Variants in PPP1R13B observed in about 807,000 individuals in gnomAD.
PPP1R13B encodes apoptosis-stimulating of p53 protein 1.
PPP1R13B carries 44 observed loss-of-function variants against 119.8 expected under a neutral mutation model. The observed-to-expected ratio is 0.37, with a 90% confidence interval of 0.29 to 0.47. The LOEUF is 0.47. Ranked by LOEUF, PPP1R13B falls within the 20% of genes least tolerant of loss-of-function variation. The pLI is 0.99. For synonymous variants in PPP1R13B, 542 were observed against 561.5 expected (o/e 0.97, Z 0.49); for missense variants, 1,227 against 1,413.5 (o/e 0.87, Z 2.12).
intron 1 of PPP1R13B, among the ~76,000 whole-genome samples, chr14:103,839,680 G>A (rs1198135499): frequency 1.3e-5 from 2 of 150,526 alleles, no homozygotes; most frequent in Non-Finnish European, 2.9e-5. Context: ...TAGCCTCTAA[G>A]GCCCTACAAG....
rs1595858480 is a variant in PPP1R13B at position 103,847,412 on chromosome 14, G to C, written c.-105C>G. ...CTCCTAAGGCCGCGCTCCCGCCGCC[G>C]TGCTCTCCGGCCCGGCCGCGGCGAG... On this transcript the variant is annotated 5_prime_UTR_variant, in exon 1 of 17. Coordinates refer to ENST00000202556, the MANE Select transcript of PPP1R13B (RefSeq NM_015316.3). The C allele has an allele frequency of 9.7e-7, 1 of 1,032,666 alleles. No individual in the cohort carries two copies. Among genetic ancestry groups the C allele is most frequent in the African/African-American group, 1.7e-5 (1 of 57,552 alleles). 64.0% of individuals were successfully genotyped at this position (1,032,666 alleles called of 1,614,324 possible). A position where few individuals can be genotyped will look rare whatever the true frequency, so the allele number is the denominator to read the frequency against.
chr14:103,787,575 T>G (rs1220694674), intron 2 of PPP1R13B, among the ~76,000 whole-genome samples: 1 of 151,176 alleles, frequency 6.6e-6, no homozygotes, highest in East Asian at 1.9e-4. Flanking sequence ...CCCAGCACTT[T>G]GGGAGGCAAG....
intron 1 of PPP1R13B, among the ~76,000 whole-genome samples, chr14:103,811,784 C>G (rs569178087): frequency 2.0e-5 from 3 of 151,772 alleles, no homozygotes; most frequent in Non-Finnish European, 4.4e-5. Context: ...AGGCCGGGCG[C>G]AGTGGCTCAC....
At chr14:103,751,640 G>A (rs1393211179) in intron 7 of PPP1R13B, among the ~76,000 whole-genome samples, 1 of 152,116 alleles carries the variant, frequency 6.6e-6, no homozygotes, top group Non-Finnish European at 1.5e-5. Flanking sequence ...TCATGAGGGT[G>A]GGGCCCCCCA....
Position 103,733,215 on chromosome 14 carries a change from C to T in PPP1R13B, c.*1939G>A. 4 of 661,270 alleles carry T rather than the reference C, an allele frequency of 6.0e-6. No individual in the cohort carries two copies. The South Asian group carries it at 8.4e-5, about 14-fold the overall frequency. The allele number at this position is 661,270 out of a possible 1,614,324, so 41.0% of individuals were successfully genotyped here. ...CACAGTTTATTAATGCTTTAAACAG[C>T]TTCATGTTTTAGAATTTGTGTATTG... On this transcript the variant is annotated 3_prime_UTR_variant, in exon 17 of 17. Transcript: ENST00000202556.
Position 103,737,718 on chromosome 14 carries a change from T to C in PPP1R13B, c.3007A>G (p.Ile1003Val). 6.2e-7 allele frequency: 1 copy of C among 1,614,236 alleles called. No homozygotes were observed. Among genetic ancestry groups the C allele is most frequent in the South Asian group, 1.1e-5 (1 of 91,088 alleles). Residue 1003 changes from isoleucine (I) to valine (V), a missense_variant, in exon 15 of 17, where the codon ATC becomes GTC. By Grantham distance (29) the Ile-to-Val change is conservative (BLOSUM62 3). Transcript: ENST00000202556. Reference sequence around the variant, plus strand: ...CCATATAGAAACTGGGAGCACTGGATGTAGCCTTCCTCCATCTCCTCACAC... The same window carrying C: ...CCATATAGAAACTGGGAGCACTGGACGTAGCCTTCCTCCATCTCCTCACAC... ...DKCEEMEEGY[I>V]QCSQFLYGVQ...
intron 3 of PPP1R13B, among the ~76,000 whole-genome samples, chr14:103,784,413 T>C (rs781376215): frequency 5.9e-5 from 9 of 151,666 alleles, no homozygotes; most frequent in Non-Finnish European, 4.4e-5. Context: ...TGAAACCCCA[T>C]CTCTATTAAA....
At chr14:103,806,143 C>T (rs908944255) in intron 1 of PPP1R13B, among the ~76,000 whole-genome samples, 1 of 152,168 alleles carries the variant, frequency 6.6e-6, no homozygotes, top group Admixed American at 6.5e-5. Context: ...CAAGTTCTAT[C>T]CTTAGCTATG....
intron 4 of PPP1R13B, among the ~76,000 whole-genome samples, chr14:103,765,549 T>C (rs1225195661): frequency 6.6e-6 from 1 of 152,194 alleles, no homozygotes; most frequent in Non-Finnish European, 1.5e-5. Flanking sequence ...GAGCCATCCT[T>C]GCCCTAAATA....
intron 1 of PPP1R13B, among the ~76,000 whole-genome samples, chr14:103,803,272 G>C (rs1415172591): frequency 2.0e-5 from 3 of 152,132 alleles, no homozygotes; most frequent in Non-Finnish European, 4.4e-5. Flanking sequence ...ATGAAATTCA[G>C]TAGGATTAAG....
At chr14:103,783,940 C>A (rs1342171200) in intron 3 of PPP1R13B, among the ~76,000 whole-genome samples, 1 of 152,154 alleles carries the variant, frequency 6.6e-6, no homozygotes, top group African/African-American at 2.4e-5. Flanking sequence ...AATAAAAGAT[C>A]TTCCAGAACT....
chr14:103,824,131 C>T (rs1004258237), intron 1 of PPP1R13B, among the ~76,000 whole-genome samples: 2 of 148,444 alleles, frequency 1.3e-5, no homozygotes, highest in Non-Finnish European at 3.0e-5. Flanking sequence ...TTGCGACCTC[C>T]ACCTCCCAGG....
At chr14:103,774,911 C>G (rs1308288682) in intron 4 of PPP1R13B, among the ~76,000 whole-genome samples, 2 of 152,202 alleles carry the variant, frequency 1.3e-5, no homozygotes, top group Non-Finnish European at 2.9e-5. Context: ...TGCTTCCAAT[C>G]CTAAATTATT....
chr14:103,781,182 A>G (rs182697673), intron 3 of PPP1R13B, among the ~76,000 whole-genome samples: 23 of 152,354 alleles, frequency 1.5e-4, no homozygotes, highest in African/African-American at 5.0e-4. Flanking sequence ...TTAATAAGTA[A>G]AAGGCAAGAC....
At position 103,738,914 on chromosome 14, in the gene PPP1R13B, A is replaced by G; in HGVS notation, c.2702T>C (p.Phe901Ser). Reference protein sequence around the residue: ...LLLDASLEGEFDLVQRIIYEV... With the variant: ...LLLDASLEGESDLVQRIIYEV... The stretch of plus-strand genomic sequence containing the variant: ...ATAGATGATCCTCTGCACCAGATCG[A>G]ACTCTCCTTCCAGAGACGCGTCTAG... Residue 901 changes from phenylalanine (F) to serine (S), a missense_variant, in exon 13 of 17, where the codon TTC becomes TCC. Coordinates refer to ENST00000202556, the MANE Select transcript of PPP1R13B (RefSeq NM_015316.3). This position sits in a 1 kb window ranked among gnomAD's most constrained non-coding sequence, Gnocchi z 5.6. The G allele has an allele frequency of 6.2e-7, 1 of 1,613,974 alleles. No individual in the cohort carries two copies. Among genetic ancestry groups the G allele is most frequent in the Non-Finnish European group, 8.5e-7 (1 of 1,179,946 alleles).
chr14:103,809,326 C>A (rs970606961), intron 1 of PPP1R13B, among the ~76,000 whole-genome samples: 4 of 152,092 alleles, frequency 2.6e-5, no homozygotes, highest in African/African-American at 9.7e-5. Flanking sequence ...AAATAGACAC[C>A]TTAGCTTCTA....
In PPP1R13B at chr14:103,740,385, G is replaced by A. The variant is rs1330780812; in HGVS notation, c.2031C>T (p.Pro677=). The change falls in exon 12 of 17, where the codon CCC becomes CCT. Residue 677 remains proline (P), a synonymous_variant. Transcript: ENST00000202556. The surrounding 1 kb of genome is among the most constrained non-coding windows in gnomAD (Gnocchi z 4.6). ...GGTAGCGCAGTGGCGAATGCACGAT[G>A]GGCGTGAGCTTGGTGGGGCTGAGTG... ...PRPLSPTKLT[P]IVHSPLRYQS... is the part of the protein sequence containing the mutation. 6.4e-7 allele frequency: 1 copy of A among 1,571,780 alleles called. No homozygotes were observed. Among genetic ancestry groups the A allele is most frequent in the Non-Finnish European group, 8.6e-7 (1 of 1,156,480 alleles).
At chr14:103,845,834 G>T (rs769691828) in intron 1 of PPP1R13B, among the ~76,000 whole-genome samples, 1 of 152,120 alleles carries the variant, frequency 6.6e-6, no homozygotes, top group Non-Finnish European at 1.5e-5. Context: ...ATTAGGGAGG[G>T]AAGTTTCCAA....
At chr14:103,825,548 C>T (rs1489045084) in intron 1 of PPP1R13B, among the ~76,000 whole-genome samples, 2 of 152,186 alleles carry the variant, frequency 1.3e-5, no homozygotes, top group Non-Finnish European at 2.9e-5. Flanking sequence ...TTTTAGTAGT[C>T]TGGATCAATA....
Sources: allele counts gnomAD v4.1 joint callset (sites outside exome capture counted in the v4.1 genomes callset), GRCh38; gene constraint gnomAD v4.1.1; non-coding constraint Gnocchi (gnomAD v3.1); transcripts MANE v1.5; gene names NCBI Gene and HGNC (gene_info 2026-07-23, HGNC 2026-07-21).